The following EBF2 variants were observed in gnomAD, a reference collection of about 807,000 sequenced individuals.
EBF2 encodes transcription factor COE2.
In EBF2, 21 loss-of-function variants were observed where a neutral mutation model predicts 72.8. The observed-to-expected ratio is 0.29, with a 90% confidence interval of 0.20 to 0.42. The LOEUF (loss-of-function observed/expected upper bound fraction) is 0.42, where lower values mean the gene tolerates loss of function less well. Among genes scored for constraint, EBF2 ranks in the 10% least tolerant of loss-of-function variants. EBF2 has a pLI of 1.00. For missense variants in EBF2, 637 were observed against 731.2 expected (o/e 0.87, Z 1.49); for synonymous variants, 299 against 274.2 (o/e 1.09, Z -0.89).
At chr8:25,883,335 C>G (rs1046378956) in intron 10 of EBF2, among the ~76,000 whole-genome samples, 2 of 152,086 alleles carry the variant, frequency 1.3e-5, no homozygotes, top group African/African-American at 4.8e-5. Context: ...AAGCTAGTCA[C>G]TCCCTGCATA....
chr8:25,903,032 G>A (rs1161216004), intron 7 of EBF2, among the ~76,000 whole-genome samples: 6 of 152,174 alleles, frequency 3.9e-5, no homozygotes, highest in Non-Finnish European at 8.8e-5. Context: ...TCCATGGACA[G>A]TTGATACCCA....
At chr8:25,859,311 C>T (rs1451021431) in intron 13 of EBF2, among the ~76,000 whole-genome samples, 5 of 152,180 alleles carry the variant, frequency 3.3e-5, no homozygotes, top group East Asian at 3.9e-4. Flanking sequence ...TTTGGCGGGG[C>T]CTGGAGGGGA....
intron 6 of EBF2, among the ~76,000 whole-genome samples, chr8:26,025,445 G>T (rs545915650): frequency 6.6e-6 from 1 of 152,040 alleles, no homozygotes; most frequent in South Asian, 2.1e-4. Context: ...ATGATGGAAC[G>T]AGCCCATTTA....
Position 25,855,397 on chromosome 8 carries a change from GA to G in EBF2, c.1528+2921del, listed in dbSNP as rs1294944155. Among the ~76,000 whole-genome samples the G allele has an allele frequency of 7.2e-5, 11 of 152,120 alleles. No individual in the cohort carries two copies. In the East Asian group the frequency reaches 9.7e-4, roughly 13 times the overall value. On this transcript the variant is annotated intron_variant, in intron 14 of 15. Transcript: ENST00000520164. Reference sequence around the variant, plus strand: ...GGAAGTGAAGTTTGTATGTAAAATTGAAAAAACATCTGTTTGGCCATTTTTG... The same window carrying G: ...GGAAGTGAAGTTTGTATGTAAAATTGAAAAACATCTGTTTGGCCATTTTTG...
chr8:25,910,345 C>T (rs1803106371), intron 6 of EBF2, among the ~76,000 whole-genome samples: 1 of 152,180 alleles, frequency 6.6e-6, no homozygotes, highest in Admixed American at 6.5e-5. Context: ...CGCTGCACCC[C>T]ACACTGGCCC....
chr8:25,932,973 A>T lies in EBF2; in HGVS notation c.552-24418T>A, dbSNP rs78973586. Reference sequence around the variant, plus strand: ...ACTGTTGCAAAATTATTTGAATACCAAAAGGTATATTCAAACTCAGTGAAG... The same window carrying T: ...ACTGTTGCAAAATTATTTGAATACCTAAAGGTATATTCAAACTCAGTGAAG... On this transcript the variant is annotated intron_variant, in intron 6 of 15. Coordinates refer to ENST00000520164, the MANE Select transcript of EBF2 (RefSeq NM_022659.4). Among the ~76,000 whole-genome samples the T allele has an allele frequency of 1.7e-3, 256 of 152,288 alleles. 5 individuals carry two copies. The East Asian group carries it at 0.033, about 19-fold the overall frequency.
At chr8:25,881,056 C>T (rs778048154) in intron 10 of EBF2, among the ~76,000 whole-genome samples, 8 of 152,178 alleles carry the variant, frequency 5.3e-5, no homozygotes, top group Non-Finnish European at 1.2e-4. Context: ...CCACCACCAG[C>T]ACTCTGCTCC....
chr8:26,003,726 C>T (rs1390743910), intron 6 of EBF2, among the ~76,000 whole-genome samples: 1 of 152,146 alleles, frequency 6.6e-6, no homozygotes, highest in Non-Finnish European at 1.5e-5. Flanking sequence ...GCCATGATCC[C>T]TGGGGAAGAG....
intron 6 of EBF2, among the ~76,000 whole-genome samples, chr8:25,999,274 C>T (rs1804683471): frequency 6.6e-6 from 1 of 152,098 alleles, no homozygotes; most frequent in Admixed American, 6.5e-5. Context: ...TTTTCTTCTC[C>T]TCAAGACACA....
At chr8:26,037,333 G>A (rs1182278046) in intron 5 of EBF2, among the ~76,000 whole-genome samples, 2 of 152,144 alleles carry the variant, frequency 1.3e-5, no homozygotes, top group African/African-American at 4.8e-5. Context: ...TCCAGCTCAC[G>A]ACAAGCGAGT....
chr8:25,918,683 C>G (rs1453735837), intron 6 of EBF2, among the ~76,000 whole-genome samples: 1 of 152,020 alleles, frequency 6.6e-6, no homozygotes, highest in African/African-American at 2.4e-5. Context: ...ATGTCGCATA[C>G]AAACTCAAAC....
chr8:25,845,156 G>A lies in EBF2; in HGVS notation c.1697-516C>T, dbSNP rs895182387. Among the ~76,000 whole-genome samples, 3 of 151,818 alleles carry A rather than the reference G, an allele frequency of 2.0e-5. No individual in the cohort carries two copies. In the East Asian group the frequency reaches 5.8e-4, roughly 29 times the overall value. ...TTTTTAATTAGCTCATCTTCCTTTG[G>A]TGCTCACTGTTCATGTCTGATGCTC... On this transcript the variant is annotated intron_variant, in intron 15 of 15. Coordinates refer to ENST00000520164, the MANE Select transcript of EBF2 (RefSeq NM_022659.4).
intron 6 of EBF2, among the ~76,000 whole-genome samples, chr8:25,928,011 T>C (rs945908703): frequency 6.6e-6 from 1 of 152,050 alleles, no homozygotes; most frequent in African/African-American, 2.4e-5. Context: ...AAAAAGTCCA[T>C]CAGATAAGGA....
intron 6 of EBF2, among the ~76,000 whole-genome samples, chr8:26,001,699 C>T (rs1397923764): frequency 6.6e-6 from 1 of 152,100 alleles, no homozygotes; most frequent in Non-Finnish European, 1.5e-5. Flanking sequence ...CAGGGACGCG[C>T]CACCATGCCC....
intron 6 of EBF2, among the ~76,000 whole-genome samples, chr8:26,028,933 T>C (rs1043056372): frequency 2.0e-5 from 3 of 152,230 alleles, no homozygotes; most frequent in African/African-American, 7.2e-5. Context: ...GGCTGTGTTT[T>C]GGTCTAGGCT....
In EBF2 at chr8:26,045,368, C is replaced by G. The variant is rs902681391; in HGVS notation, c.-509G>C. The G allele has an allele frequency of 6.6e-6, 1 of 152,344 alleles. No individual in the cohort carries two copies. The highest frequency in any genetic ancestry group is 1.5e-5 in the Non-Finnish European group (1 of 68,154). The allele number at this position is 152,344 out of a possible 1,614,324, so 9.4% of individuals were successfully genotyped here. On this transcript the variant is annotated 5_prime_UTR_variant, in exon 1 of 16. Coordinates refer to ENST00000520164, the MANE Select transcript of EBF2 (RefSeq NM_022659.4). ...CGGTGGCTGCGAGCGCCACGGAGCC[C>G]GGCTGCAGCCGCGCGCGGGCCCCAT...
At chr8:25,847,132 G>C (rs1217016132) in intron 15 of EBF2, among the ~76,000 whole-genome samples, 1 of 152,120 alleles carries the variant, frequency 6.6e-6, no homozygotes, top group Non-Finnish European at 1.5e-5. Context: ...GCATGACTTG[G>C]AGATAATTCT....
intron 6 of EBF2, among the ~76,000 whole-genome samples, chr8:25,917,646 C>A (rs1803241597): frequency 1.3e-5 from 2 of 152,282 alleles, no homozygotes; most frequent in South Asian, 4.1e-4. Context: ...AAATCTATTT[C>A]CCTTGCCAGT....
intron 7 of EBF2, among the ~76,000 whole-genome samples, chr8:25,905,344 C>T (rs1803016791): frequency 6.6e-6 from 1 of 152,098 alleles, no homozygotes; most frequent in Admixed American, 6.5e-5. Flanking sequence ...TAGTTGTATA[C>T]CCAAGAGAAT....
Sources: allele counts gnomAD v4.1 joint callset (sites outside exome capture counted in the v4.1 genomes callset), GRCh38; gene constraint gnomAD v4.1.1; transcripts MANE v1.5; gene names NCBI Gene and HGNC (gene_info 2026-07-23, HGNC 2026-07-21).